MMADHC: variants seen among roughly 807,000 people sequenced by gnomAD.
The protein encoded by MMADHC is metabolism of cobalamin associated D.
In MMADHC, 23 loss-of-function variants were observed where a neutral mutation model predicts 36.3. That is an observed-to-expected ratio of 0.63 (90% CI 0.46 to 0.90). MMADHC has a LOEUF of 0.90. Ranked by LOEUF, MMADHC falls within the 40% of genes least tolerant of loss-of-function variation. The probability of loss-of-function intolerance (pLI) is 0.00; values close to 1 mark genes in which losing one functional copy is unlikely to be tolerated. For synonymous variants in MMADHC, 97 were observed against 116.1 expected, an observed-to-expected ratio of 0.84 and a Z score of 1.06; for missense variants, 330 against 348.0, an observed-to-expected ratio of 0.95 and a Z score of 0.41.
Position 149,569,842 on chromosome 2 carries a change from A to G in MMADHC, c.*132T>C. 5 of 822,236 alleles carry G rather than the reference A, an allele frequency of 6.1e-6. No homozygotes were observed. Among genetic ancestry groups the G allele is most frequent in the Non-Finnish European group, 9.5e-6 (5 of 523,796 alleles). 50.9% of individuals were successfully genotyped at this position (822,236 alleles called of 1,614,324 possible). On this transcript the variant is annotated 3_prime_UTR_variant, in exon 8 of 8. Transcript: ENST00000303319. ...TTTTAAAATCCCAAATCACTTGCCA[A>G]TGTTGTAAATTCATAAATGCTGAAA...
At chr2:149,572,744 A>G (rs1558845619) in intron 6 of MMADHC, among the ~76,000 whole-genome samples, 1 of 152,136 alleles carries the variant, frequency 6.6e-6, no homozygotes, top group Non-Finnish European at 1.5e-5. Flanking sequence ...CTAAGGGCTG[A>G]GCTGTGCACT....
At chr2:149,576,391 T>C (rs1229595330) in intron 5 of MMADHC, 46 bp downstream of exon 5, 2 of 1,255,142 alleles carry the variant, frequency 1.6e-6, no homozygotes, top group African/African-American at 1.5e-5. Context: ...ATTCAACATA[T>C]TAAAAAAATT....
At chr2:149,574,338 A>G (rs1682684196) in intron 6 of MMADHC, among the ~76,000 whole-genome samples, 1 of 152,224 alleles carries the variant, frequency 6.6e-6, no homozygotes, top group South Asian at 2.1e-4. Context: ...TATAACTAAT[A>G]TGCTTGTGAT....
intron 1 of MMADHC, 59 bp from the exon 2 acceptor site, chr2:149,587,208 T>G: frequency 1.9e-6 from 2 of 1,033,232 alleles, no homozygotes; most frequent in East Asian, 4.8e-5. Context: ...AACAGACAAC[T>G]GAGGTAACGT....
In MMADHC at chr2:149,570,068, C is replaced by A. The variant is rs756696379; in HGVS notation, c.797G>T (p.Arg266Leu). The change falls in exon 8 of 8, where the codon CGT becomes CTT. Residue 266 changes from arginine to leucine, a missense_variant. By Grantham distance (102) the Arg-to-Leu change is moderately radical (BLOSUM62 -2). Coordinates refer to ENST00000303319, the MANE Select transcript of MMADHC (RefSeq NM_015702.3). ...TACATGGGTACCCCAGAGACTATGACGAATCACTTTACAGCATCCAAGGTC... is the reference window on the plus strand; with the variant it reads ...TACATGGGTACCCCAGAGACTATGAAGAATCACTTTACAGCATCCAAGGTC... ...VDDLGCCKVI[R>L]HSLWGTHVVV... 7 of 1,613,572 alleles carry A rather than the reference C, an allele frequency of 4.3e-6. No homozygotes were observed. The highest frequency in any genetic ancestry group is 2.2e-5 in the South Asian group (2 of 91,072).
chr2:149,571,244 T>A, intron 6 of MMADHC, 73 bp from the exon 7 acceptor site: 2 of 940,860 alleles, frequency 2.1e-6, no homozygotes, highest in Non-Finnish European at 3.1e-6. Context: ...AATAAAATTT[T>A]AAGTGACTAT....
In MMADHC at chr2:149,571,151, T is replaced by C. The variant is rs746082025; in HGVS notation, c.630A>G (p.Glu210=). 6.2e-7 allele frequency: 1 copy of C among 1,611,266 alleles called. No individual in the cohort carries two copies. The highest frequency in any genetic ancestry group is 8.5e-7 in the Non-Finnish European group (1 of 1,178,136). The change falls in exon 7 of 8, where the codon GAA becomes GAG. Residue 210 remains glutamate (E), a synonymous_variant. Transcript: ENST00000303319. The part of the protein sequence containing the change: ...LLEKFINGAK[E]ICYALRAEGY... ...CCTCAGCTCGAAGAGCATAGCAAATTTCCTTAGCACCATTGATGAACTGCA... is the reference window on the plus strand; with the variant it reads ...CCTCAGCTCGAAGAGCATAGCAAATCTCCTTAGCACCATTGATGAACTGCA...
chr2:149,572,588 G>A (rs949588793), intron 6 of MMADHC, among the ~76,000 whole-genome samples: 23 of 152,096 alleles, frequency 1.5e-4, no homozygotes, highest in African/African-American at 5.3e-4. Context: ...TAGAGCCCAA[G>A]CAAAGTAATG....
Position 149,570,004 on chromosome 2 carries a change from G to A in MMADHC, c.861C>T (p.Ser287=). 2 of 1,613,344 alleles carry A rather than the reference G, an allele frequency of 1.2e-6. No homozygotes were observed. Among genetic ancestry groups the A allele is most frequent in the Non-Finnish European group, 1.7e-6 (2 of 1,179,504 alleles). ...GSIFTNATPD[S]HIMKKLSGN ...TTCCACTTAATTTCTTCATAATATG[G>A]CTGTCTGGTGTTGCATTAGTGAAGA... is the stretch of plus-strand genomic sequence containing the variant. Residue 287 remains serine (S), a synonymous_variant, in exon 8 of 8, where the codon AGC becomes AGT. Transcript: ENST00000303319.
intron 6 of MMADHC, among the ~76,000 whole-genome samples, chr2:149,574,650 T>C (rs943770413): frequency 6.6e-5 from 10 of 152,164 alleles, no homozygotes; most frequent in Non-Finnish European, 1.2e-4. Flanking sequence ...AAGTGTCTTA[T>C]CAAAATTTAA....
rs904420258 is a variant in MMADHC at position 149,582,211 on chromosome 2, T to C, written c.70A>G (p.Arg24Gly). 6.2e-7 allele frequency: 1 copy of C among 1,613,796 alleles called. No homozygotes were observed. Among genetic ancestry groups the C allele is most frequent in the African/African-American group, 1.3e-5 (1 of 74,932 alleles). ...GAAAAGGCTTTGGGATTGACAACCC[T>C]TTTAACTAAAGAGCAAAATCCTGGG... ...YLPGFCSLVK[R>G]VVNPKAFSTA... is the part of the protein sequence containing the mutation. Residue 24 changes from arginine (R) to glycine (G), a missense_variant, in exon 3 of 8, where the codon AGG (arginine) becomes GGG (glycine). Physicochemically the swap from Arg to Gly is moderately radical, Grantham distance 125. Coordinates refer to ENST00000303319, the MANE Select transcript of MMADHC (RefSeq NM_015702.3).
intron 7 of MMADHC, among the ~76,000 whole-genome samples, 182 bp downstream of exon 7, chr2:149,570,901 CTT>C (rs1281650710): frequency 6.6e-6 from 1 of 152,118 alleles, no homozygotes; most frequent in African/African-American, 2.4e-5. Flanking sequence ...GATGGAGAAA[CTT>C]AACTGTGAGT....
intron 3 of MMADHC, 90 bp downstream of exon 3, chr2:149,582,037 C>T (rs1485669157): frequency 2.1e-6 from 3 of 1,426,062 alleles, no homozygotes; most frequent in Non-Finnish European, 2.9e-6. Context: ...TAGAAAAATC[C>T]ATTAAGCCTT....
At chr2:149,576,980 G>T (rs1444895994) in intron 4 of MMADHC, among the ~76,000 whole-genome samples, 3 of 152,078 alleles carry the variant, frequency 2.0e-5, no homozygotes, top group Admixed American at 6.6e-5. Flanking sequence ...GAGCTTAGAG[G>T]CTTTTATTCA....
intron 2 of MMADHC, among the ~76,000 whole-genome samples, chr2:149,586,188 C>T (rs775313744): frequency 6.6e-6 from 1 of 152,180 alleles, no homozygotes. Context: ...GCACACAGCT[C>T]TAAGTGAATA....
At chr2:149,582,015 C>G (rs1371607457) in intron 3 of MMADHC, 112 bp downstream of exon 3, 1 of 1,220,860 alleles carries the variant, frequency 8.2e-7, no homozygotes, top group Non-Finnish European at 1.2e-6. Context: ...TTCAACTGAA[C>G]AAACACAACT....
At chr2:149,582,949 C>G (rs1238985737) in intron 2 of MMADHC, among the ~76,000 whole-genome samples, 1 of 152,112 alleles carries the variant, frequency 6.6e-6, no homozygotes, top group Non-Finnish European at 1.5e-5. Flanking sequence ...GATTGGCGAA[C>G]GATTTCCCAA....
intron 2 of MMADHC, among the ~76,000 whole-genome samples, chr2:149,586,031 G>A (rs1247715983): frequency 6.6e-6 from 1 of 152,072 alleles, no homozygotes; most frequent in Admixed American, 6.5e-5. Context: ...TGCAGGTTAT[G>A]GGCAGGCAAA....
At chr2:149,580,104 G>A (rs1682774377) in intron 3 of MMADHC, among the ~76,000 whole-genome samples, 2 of 152,184 alleles carry the variant, frequency 1.3e-5, no homozygotes, top group Admixed American at 6.5e-5. Context: ...CTGAAGCCTT[G>A]ACCTCTGAGG....
Sources: gnomAD v4.1 joint callset for allele counts (sites outside exome capture counted in the v4.1 genomes callset) on GRCh38, gnomAD v4.1.1 for gene constraint, MANE v1.5 for transcripts, NCBI Gene and HGNC (gene_info 2026-07-23, HGNC 2026-07-21) for gene names.